CA10: variants seen among roughly 807,000 people sequenced by gnomAD.
The protein encoded by CA10 is carbonic anhydrase-related protein 10.
A neutral mutation model predicts 44.2 loss-of-function variants in CA10; 14 were observed. The ratio of observed to expected loss-of-function variants is 0.32; its 90% CI spans 0.21 to 0.50. CA10 has a LOEUF of 0.50. Ranked by LOEUF, CA10 falls within the 20% of genes least tolerant of loss-of-function variation. CA10 has a pLI of 0.99. For synonymous variants in CA10, 159 were observed against 141.6 expected, an observed-to-expected ratio of 1.12 and a Z score of -0.87; for missense variants, 350 against 409.7, an observed-to-expected ratio of 0.85 and a Z score of 1.26.
chr17:51,831,414 G>A (rs572248522), intron 3 of CA10, among the ~76,000 whole-genome samples: 1 of 152,294 alleles, frequency 6.6e-6, no homozygotes, highest in South Asian at 2.1e-4. Flanking sequence ...CAAGAAGTAT[G>A]GGGCAGGAAT....
At chr17:51,653,382 G>A (rs907465083) in intron 5 of CA10, among the ~76,000 whole-genome samples, 2 of 151,552 alleles carry the variant, frequency 1.3e-5, no homozygotes, top group South Asian at 2.1e-4. Context: ...CCTGGATCTA[G>A]CCCCCTTTTT....
rs556379479 is a variant in CA10 at position 51,830,562 on chromosome 17, T to C, written c.280-82744A>G. Among the ~76,000 whole-genome samples the C allele has an allele frequency of 8.5e-4, 129 of 152,340 alleles. 1 individual carries two copies. Among genetic ancestry groups the C allele is most frequent in the African/African-American group, 3.0e-3 (123 of 41,592 alleles). On this transcript the variant is annotated intron_variant, in intron 3 of 8. Transcript: ENST00000451037. ...GAAAGTTGCAACTCTTGAATGACTT[T>C]AGGAATTCACCTCATTAAATGGCTC...
At chr17:52,144,586 T>C (rs1004373561) in intron 1 of CA10, among the ~76,000 whole-genome samples, 1 of 152,186 alleles carries the variant, frequency 6.6e-6, no homozygotes, top group Non-Finnish European at 1.5e-5. Flanking sequence ...AAAGACATGA[T>C]TATCTCCCTT....
intron 3 of CA10, among the ~76,000 whole-genome samples, chr17:51,907,921 A>G (rs1981628976): frequency 6.6e-6 from 1 of 152,170 alleles, no homozygotes; most frequent in Non-Finnish European, 1.5e-5. Flanking sequence ...AACCTTCATG[A>G]AAACATAAGG....
chr17:51,839,836 T>A (rs978495013), intron 3 of CA10, among the ~76,000 whole-genome samples: 2 of 152,216 alleles, frequency 1.3e-5, no homozygotes, highest in African/African-American at 4.8e-5. Flanking sequence ...ATTCCAGGAA[T>A]CAGCAACACA....
chr17:51,842,345 A>G (rs1052648126), intron 3 of CA10, among the ~76,000 whole-genome samples: 8 of 152,226 alleles, frequency 5.3e-5, no homozygotes, highest in Admixed American at 5.2e-4. Context: ...AACTCTGCTT[A>G]TGGATGGCGT....
At chr17:51,809,465 A>G (rs985855373) in intron 3 of CA10, among the ~76,000 whole-genome samples, 1 of 152,248 alleles carries the variant, frequency 6.6e-6, no homozygotes, top group Non-Finnish European at 1.5e-5. Context: ...GAAAGGTTAA[A>G]TGACTTGTCT....
At position 52,065,290 on chromosome 17, in the gene CA10, C is replaced by T. The variant is rs140685064; in HGVS notation, c.136+7029G>A. Among the ~76,000 whole-genome samples, 186 of 152,342 alleles carry T rather than the reference C, an allele frequency of 1.2e-3. 5 individuals are homozygous for T. The South Asian group carries it at 0.023, about 19-fold the overall frequency. ...AACCTTGAGTACTTTCCATTTATAG[C>T]ATGTACTACAGATTGTACTGATGTG... is the stretch of plus-strand genomic sequence containing the variant. On this transcript the variant is annotated intron_variant, in intron 2 of 8. Transcript: ENST00000451037.
intron 2 of CA10, among the ~76,000 whole-genome samples, chr17:52,062,459 A>T (rs569225786): frequency 4.6e-5 from 7 of 152,308 alleles, no homozygotes; most frequent in Admixed American, 4.6e-4. Flanking sequence ...TCAGGTGCAA[A>T]GAGTCAAAAA....
intron 1 of CA10, among the ~76,000 whole-genome samples, chr17:52,104,310 T>C (rs1168047764): frequency 2.0e-5 from 3 of 151,666 alleles, no homozygotes; most frequent in Non-Finnish European, 4.4e-5. Flanking sequence ...CCAACCCTCC[T>C]ACCTCAGCCT....
chr17:52,159,420 C>T (rs1202947057), upstream of CA10: 4 of 152,256 alleles, frequency 2.6e-5, no homozygotes, highest in African/African-American at 9.6e-5. Flanking sequence ...TCGCCCAACT[C>T]CAGGAGGATC....
chr17:51,669,620 C>T (rs200580214), intron 4 of CA10, among the ~76,000 whole-genome samples: 4 of 152,088 alleles, frequency 2.6e-5, no homozygotes, highest in Non-Finnish European at 5.9e-5. Context: ...CTGAAGCCAG[C>T]GAGACCATGA....
intron 1 of CA10, among the ~76,000 whole-genome samples, chr17:52,074,367 T>C (rs1378350765): frequency 2.6e-5 from 4 of 152,206 alleles, no homozygotes; most frequent in Non-Finnish European, 5.9e-5. Flanking sequence ...CATTGAACTA[T>C]AAACATCACC....
rs1236910930 is a variant in CA10 at position 52,072,329 on chromosome 17, G to T, written c.126C>A (p.Ser42Arg). Residue 42 changes from serine to arginine, a missense_variant, in exon 2 of 9, where the codon AGC (serine) becomes AGA (arginine). Coordinates refer to ENST00000451037, the MANE Select transcript of CA10 (RefSeq NM_020178.5). ...WWAYKEVVQG[S>R]FVPVPSFWGL... Reference sequence around the variant, plus strand: ...TTAATGTGTACTTACCTGGAACAAAGCTTCCCTGGACCACCTCCTTGTATG... The same window carrying T: ...TTAATGTGTACTTACCTGGAACAAATCTTCCCTGGACCACCTCCTTGTATG... 6.2e-7 allele frequency: 1 copy of T among 1,609,776 alleles called. No homozygotes were observed. The highest frequency in any genetic ancestry group is 8.5e-7 in the Non-Finnish European group (1 of 1,176,236).
chr17:52,070,416 A>T (rs1167925839), intron 2 of CA10: 2 of 152,134 alleles, frequency 1.3e-5, no homozygotes, highest in Non-Finnish European at 2.9e-5. Context: ...TACCTCCATT[A>T]TGCAATTTAA....
intron 3 of CA10, among the ~76,000 whole-genome samples, chr17:51,874,388 T>TAA (rs780808287): frequency 8.9e-4 from 113 of 127,476 alleles, no homozygotes; most frequent in Non-Finnish European, 1.0e-3. Flanking sequence ...GAGTAATTAT[T>TAA]AAAAAAAAAA....
chr17:51,907,982 G>A (rs1465500553), intron 3 of CA10, among the ~76,000 whole-genome samples: 1 of 152,134 alleles, frequency 6.6e-6, no homozygotes, highest in Non-Finnish European at 1.5e-5. Context: ...TCTTCCCAGA[G>A]CCTAAAACAG....
intron 1 of CA10, among the ~76,000 whole-genome samples, chr17:52,130,035 G>A (rs373680987): frequency 1.3e-5 from 2 of 151,952 alleles, no homozygotes; most frequent in East Asian, 3.9e-4. Context: ...GAGCTAACAG[G>A]TATAAGAAAA....
At chr17:51,858,648 T>G (rs937389974) in intron 3 of CA10, among the ~76,000 whole-genome samples, 1 of 152,350 alleles carries the variant, frequency 6.6e-6, no homozygotes, top group South Asian at 2.1e-4. Flanking sequence ...TTTTTATAAC[T>G]GCTAGCACAG....
Sources: gnomAD v4.1 joint callset for allele counts (sites outside exome capture counted in the v4.1 genomes callset) on GRCh38, gnomAD v4.1.1 for gene constraint, MANE v1.5 for transcripts, NCBI Gene and HGNC (gene_info 2026-07-23, HGNC 2026-07-21) for gene names.